C10orf105: variants seen among roughly 807,000 people sequenced by gnomAD.
The protein encoded by C10orf105 is chromosome 10 open reading frame 105, also known as uncharacterized protein C10orf105.
In C10orf105, 2 loss-of-function variants were observed where a neutral mutation model predicts 0.6. That is an observed-to-expected ratio of 3.18 (90% CI 1.30 to 10.01). The LOEUF (loss-of-function observed/expected upper bound fraction) is 10.01. C10orf105 is among the 30% of genes most tolerant of loss of function. C10orf105 has a pLI of 0.04. For missense variants in C10orf105, 209 were observed against 191.4 expected (o/e 1.09, Z -0.54); for synonymous variants, 95 against 82.4 (o/e 1.15, Z -0.83).
At chr10:71,734,343 T>A (rs1290656052) in intron 1 of C10orf105, 1 of 1,604,428 alleles carries the variant, frequency 6.2e-7, no homozygotes, top group East Asian at 2.2e-5. Flanking sequence ...TCCACCGTGG[T>A]GAGTGGGACC....
At chr10:71,717,021 C>G (rs866827451) in intron 1 of C10orf105, 2 of 152,288 alleles carry the variant, frequency 1.3e-5, no homozygotes, top group African/African-American at 4.8e-5. Flanking sequence ...CACCCTCCCC[C>G]ACAGGCCCAC....
At chr10:71,733,303 A>T (rs913028841) in intron 1 of C10orf105, among the ~76,000 whole-genome samples, 1 of 152,144 alleles carries the variant, frequency 6.6e-6, no homozygotes, top group African/African-American at 2.4e-5. Context: ...GCACCCCTAC[A>T]TGTTCAGCAG....
In C10orf105 at chr10:71,725,412, G is replaced by C. The variant is rs1166679728; in HGVS notation, c.-5-9070C>G. 2.5e-5 allele frequency: 41 copies of C among 1,613,922 alleles called. No homozygotes were observed. The highest frequency in any genetic ancestry group is 3.4e-5 in the Non-Finnish European group (40 of 1,179,902). On this transcript the variant is annotated intron_variant, in intron 1 of 1. Transcript: ENST00000398786. ...ACTTCCGGATCCATGTCAGCAATGG[G>C]CTCCTGATGCGAGGGCCCCGGCCCC...
chr10:71,728,944 C>G (rs1326305909), intron 1 of C10orf105, among the ~76,000 whole-genome samples: 1 of 152,172 alleles, frequency 6.6e-6, no homozygotes, highest in Non-Finnish European at 1.5e-5. Context: ...GATCCTCTTG[C>G]CTCCGCCTCC....
chr10:71,737,722 G>A (rs1412659953), intron 1 of C10orf105: 2 of 470,872 alleles, frequency 4.2e-6, no homozygotes, highest in African/African-American at 4.0e-5. Context: ...GTGAACCCCT[G>A]GGTACCTGTG....
rs756165682 is a variant in C10orf105 at position 71,712,692 on chromosome 10, C to T, written c.*3244G>A. The T allele has an allele frequency of 1.5e-5, 24 of 1,613,552 alleles. No homozygotes were observed. In the African/African-American group the frequency reaches 1.7e-4, roughly 12 times the overall value. The stretch of plus-strand genomic sequence containing the variant: ...AACGGCCCTGTAGGGAAGCGACACA[C>T]GGGCACAGCCACCGTGTTCGTCACT... On this transcript the variant is annotated 3_prime_UTR_variant, in exon 2 of 2. Coordinates refer to ENST00000441508, the MANE Select transcript of C10orf105 (RefSeq NM_001164375.3).
chr10:71,723,018 C>G (rs1226352153), upstream of C10orf105, among the ~76,000 whole-genome samples: 1 of 152,192 alleles, frequency 6.6e-6, no homozygotes, highest in African/African-American at 2.4e-5. Context: ...TGATCAGGCA[C>G]CCAGTCCTGG....
chr10:71,717,280 C>T (rs1183732737), intron 1 of C10orf105: 1 of 152,142 alleles, frequency 6.6e-6, no homozygotes, highest in African/African-American at 2.4e-5. Context: ...AGGCCAAGGC[C>T]ACATTGTGAG....
At chr10:71,731,885 G>T in intron 1 of C10orf105, 2 of 1,307,846 alleles carry the variant, frequency 1.5e-6, no homozygotes, top group Non-Finnish European at 2.1e-6. Flanking sequence ...AGCCCATGCT[G>T]GGTGGGCCAC....
At chr10:71,734,658 G>A (rs1839504842) in intron 1 of C10orf105, 1 of 1,457,902 alleles carries the variant, frequency 6.9e-7, no homozygotes, top group South Asian at 1.1e-5. Flanking sequence ...GCCTACAGAA[G>A]GTGAGTAGCC....
upstream of C10orf105, among the ~76,000 whole-genome samples, chr10:71,720,728 A>C (rs1165548903): frequency 6.6e-6 from 1 of 152,194 alleles, no homozygotes; most frequent in Admixed American, 6.5e-5. Context: ...GAGATTTCCT[A>C]TGGACTGTTA....
Position 71,712,581 on chromosome 10 carries a change from G to A in C10orf105, c.*3355C>T, listed in dbSNP as rs1228064672. 9.9e-6 allele frequency: 15 copies of A among 1,519,590 alleles called. No individual in the cohort carries two copies. The highest frequency in any genetic ancestry group is 5.5e-5 in the Admixed American group (3 of 54,728). 94.1% of individuals were successfully genotyped at this position (1,519,590 alleles called of 1,614,324 possible). ...GGCGGAACAGGGCACCTCTCTGGCC[G>A]GTGCCCGGGAGTGTGCAAAGTCACA... On this transcript the variant is annotated 3_prime_UTR_variant, in exon 2 of 2. Transcript: ENST00000441508.
chr10:71,736,366 G>A (rs533704565), intron 1 of C10orf105, among the ~76,000 whole-genome samples: 5 of 152,296 alleles, frequency 3.3e-5, no homozygotes, highest in African/African-American at 7.2e-5. Context: ...CTGCTAGGCC[G>A]GAACCCAAAC....
At chr10:71,732,385 T>TTA (rs1839421948) in intron 1 of C10orf105, 4 of 1,555,234 alleles carry the variant, frequency 2.6e-6, no homozygotes, top group Non-Finnish European at 3.5e-6. Context: ...GGTGAGGGGC[T>TTA]GGGGGCAGGG....
upstream of C10orf105, among the ~76,000 whole-genome samples, chr10:71,721,226 A>T (rs1429773308): frequency 6.6e-6 from 1 of 152,164 alleles, no homozygotes; most frequent in East Asian, 1.9e-4. Flanking sequence ...AGATCTGGAC[A>T]ATTGAAGCAC....
rs11812475 is a variant in C10orf105, at chr10:71,713,202, C to A, written c.*2734G>T. 1.0e-2 allele frequency: 7,782 copies of A among 779,224 alleles called. 418 individuals are homozygous for A. The African/African-American group carries it at 0.11, about 11-fold the overall frequency. The allele number at this position is 779,224 out of a possible 1,614,324, so 48.3% of individuals were successfully genotyped here. A position where few individuals can be genotyped will look rare whatever the true frequency, so the allele number is the denominator to read the frequency against. On this transcript the variant is annotated 3_prime_UTR_variant, in exon 2 of 2. Coordinates refer to ENST00000441508, the MANE Select transcript of C10orf105 (RefSeq NM_001164375.3). ...CCAGAACAGAGCTGCTTTCACAGAG[C>A]CCTTGGCCGAGGCTCCCCTCTTGGG... is the stretch of plus-strand genomic sequence containing the variant.
chr10:71,724,218 A>G, upstream of C10orf105: 1 of 1,122,250 alleles, frequency 8.9e-7, no homozygotes, highest in Non-Finnish European at 1.3e-6. Flanking sequence ...CCAGGGCCAT[A>G]TACATGGGGC....
Position 71,713,135 on chromosome 10 carries a change from T to G in C10orf105, c.*2801A>C, listed in dbSNP as rs768065995. On this transcript the variant is annotated 3_prime_UTR_variant, in exon 2 of 2. Coordinates refer to ENST00000441508, the MANE Select transcript of C10orf105 (RefSeq NM_001164375.3). ...GCGGGGAGAAAGAGACGTCACAATT[T>G]CCCGGAAAGGAGTTGAGAAGAGAGC... The G allele has an allele frequency of 1.3e-6, 1 of 778,424 alleles. No individual in the cohort carries two copies. Among genetic ancestry groups the G allele is most frequent in the Admixed American group, 1.7e-5 (1 of 58,854 alleles). The allele number at this position is 778,424 out of a possible 1,614,324, so 48.2% of individuals were successfully genotyped here.
At position 71,713,506 on chromosome 10, in the gene C10orf105, G is replaced by A; in HGVS notation, c.*2430C>T. On this transcript the variant is annotated 3_prime_UTR_variant, in exon 2 of 2. Coordinates refer to ENST00000441508, the MANE Select transcript of C10orf105 (RefSeq NM_001164375.3). The stretch of plus-strand genomic sequence containing the variant: ...GCTTGGGAGGGACAGAAGCGTGGGA[G>A]GCTGGCAATGCTCCCCTCCCTGCAT... The A allele has an allele frequency of 1.8e-6, 1 of 549,604 alleles. No individual in the cohort carries two copies. Among genetic ancestry groups the A allele is most frequent in the Non-Finnish European group, 3.2e-6 (1 of 307,722 alleles). The allele number at this position is 549,604 out of a possible 1,614,324, so 34.0% of individuals were successfully genotyped here.
Sources: gnomAD v4.1 joint callset for allele counts (sites outside exome capture counted in the v4.1 genomes callset) on GRCh38, gnomAD v4.1.1 for gene constraint, MANE v1.5 for transcripts, NCBI Gene and HGNC (gene_info 2026-07-23, HGNC 2026-07-21) for gene names.